The following C1orf141 variants were observed in gnomAD, a reference collection of about 807,000 sequenced individuals.
The protein encoded by C1orf141 is uncharacterized protein C1orf141.
In C1orf141, 19 loss-of-function variants were observed where a neutral mutation model predicts 23.2. The observed-to-expected ratio is 0.82, with a 90% confidence interval of 0.57 to 1.20. The LOEUF is 1.20. Ranked by LOEUF, C1orf141 falls within the 50% of genes most tolerant of loss-of-function variation. The pLI is 0.00. For missense variants in C1orf141, 469 were observed against 455.1 expected (o/e 1.03, Z -0.28); for synonymous variants, 153 against 154.6 (o/e 0.99, Z 0.08).
chr1:67,126,037 A>G (rs1437331763), intron 3 of C1orf141, 128 bp from the exon 4 acceptor site: 2 of 1,048,134 alleles, frequency 1.9e-6, no homozygotes, highest in Non-Finnish European at 2.7e-6. Flanking sequence ...GTGGCAGGCA[A>G]TAATGGAAAA....
Position 67,129,496 on chromosome 1 carries a change from G to A in C1orf141, c.-18+1646C>T, listed in dbSNP as rs111685248. On this transcript the variant is annotated intron_variant, in intron 2 of 7. Transcript: ENST00000684719. Reference sequence around the variant, plus strand: ...AAAAATTACACAGAGGAAATTCTGGGCCATGGGGGTGCAAGCAGATAGCCT... The same window carrying A: ...AAAAATTACACAGAGGAAATTCTGGACCATGGGGGTGCAAGCAGATAGCCT... 6.9e-4 allele frequency among the ~76,000 whole-genome samples: 105 copies of A among 152,152 alleles called. 1 individual carries two copies. Among genetic ancestry groups the A allele is most frequent in the African/African-American group, 2.5e-3 (104 of 41,484 alleles).
Position 67,092,956 on chromosome 1 carries a change from C to G in C1orf141, c.*49G>C. 1 of 1,435,292 alleles carries G rather than the reference C, an allele frequency of 7.0e-7. No individual in the cohort carries two copies. The highest frequency in any genetic ancestry group is 1.4e-5 in the South Asian group (1 of 73,940). 88.9% of individuals were successfully genotyped at this position (1,435,292 alleles called of 1,614,324 possible). A position where few individuals can be genotyped will look rare whatever the true frequency, so the allele number is the denominator to read the frequency against. On this transcript the variant is annotated 3_prime_UTR_variant, in exon 8 of 8. Transcript: ENST00000684719. The stretch of plus-strand genomic sequence containing the variant: ...AAGAATTTCTTTTATAATTTTGGAA[C>G]TTGGATATTTGCTTCTTGTTACTCA...
chr1:67,111,681 GT>G, intron 5 of C1orf141: 1 of 997,810 alleles, frequency 1.0e-6, no homozygotes, highest in Non-Finnish European at 1.4e-6. Flanking sequence ...ATGCTATTAA[GT>G]TACTTCTAAT....
intron 5 of C1orf141, chr1:67,103,498 G>T: frequency 1.9e-6 from 1 of 532,196 alleles, no homozygotes; most frequent in Non-Finnish European, 2.9e-6. Flanking sequence ...ATAACTAACA[G>T]CTGTCTGGTT....
intron 5 of C1orf141, among the ~76,000 whole-genome samples, chr1:67,104,347 G>A (rs1258432711): frequency 1.3e-5 from 2 of 152,094 alleles, no homozygotes; most frequent in Non-Finnish European, 2.9e-5. Flanking sequence ...CAGAAAAATA[G>A]CATATTTATA....
chr1:67,094,896 A>T (rs1446176197), intron 7 of C1orf141: 1 of 176,206 alleles, frequency 5.7e-6, no homozygotes, highest in African/African-American at 2.4e-5. Flanking sequence ...CAGACTCCAG[A>T]GTAGCGGGGA....
At chr1:67,113,922 G>T (rs925002719) in intron 5 of C1orf141, among the ~76,000 whole-genome samples, 6 of 152,090 alleles carry the variant, frequency 3.9e-5, no homozygotes, top group Admixed American at 3.3e-4. Flanking sequence ...AGGGATCCCT[G>T]GTCTTAAATC....
chr1:67,120,174 T>C (rs1417789547), intron 4 of C1orf141, among the ~76,000 whole-genome samples: 1 of 152,224 alleles, frequency 6.6e-6, no homozygotes, highest in Non-Finnish European at 1.5e-5. Context: ...TTCTCCCTTC[T>C]TTTTTATCTC....
intron 5 of C1orf141, among the ~76,000 whole-genome samples, chr1:67,105,093 G>A (rs374115709): frequency 1.1e-3 from 171 of 152,142 alleles, no homozygotes; most frequent in South Asian, 4.8e-3. Flanking sequence ...TTGGGAGGCC[G>A]AGGCGGGTGG....
upstream of C1orf141, among the ~76,000 whole-genome samples, chr1:67,137,318 A>T (rs917302723): frequency 6.6e-6 from 1 of 152,226 alleles, no homozygotes; most frequent in Non-Finnish European, 1.5e-5. Flanking sequence ...GGGCAGAGTC[A>T]GTCCCGAAAT....
upstream of C1orf141, among the ~76,000 whole-genome samples, chr1:67,139,549 A>G (rs1371725465): frequency 2.6e-5 from 4 of 152,176 alleles, no homozygotes; most frequent in South Asian, 4.1e-4. Context: ...TTTTTCTTCT[A>G]TTAAAGACCA....
intron 1 of C1orf141, among the ~76,000 whole-genome samples, chr1:67,131,860 C>G (rs1646521988): frequency 1.4e-5 from 2 of 147,672 alleles, no homozygotes; most frequent in South Asian, 4.3e-4. Flanking sequence ...TCTTGGCTCA[C>G]TGCAACTTCC....
At chr1:67,113,308 A>T (rs1646118663) in intron 5 of C1orf141, among the ~76,000 whole-genome samples, 1 of 151,982 alleles carries the variant, frequency 6.6e-6, no homozygotes, top group African/African-American at 2.4e-5. Flanking sequence ...AAGGCCAGGG[A>T]GGTAGGGAAT....
At chr1:67,108,537 G>T (rs1441450061) in intron 5 of C1orf141, among the ~76,000 whole-genome samples, 1 of 152,150 alleles carries the variant, frequency 6.6e-6, no homozygotes, top group African/African-American at 2.4e-5. Context: ...TTCAAGACCA[G>T]CCTGGCCAAC....
chr1:67,104,623 G>A (rs2102437245), intron 5 of C1orf141, among the ~76,000 whole-genome samples: 1 of 152,170 alleles, frequency 6.6e-6, no homozygotes, highest in African/African-American at 2.4e-5. Context: ...CAAATAAGTT[G>A]TTTTAAGCTT....
intron 4 of C1orf141, among the ~76,000 whole-genome samples, chr1:67,116,474 A>T (rs1646195589): frequency 1.3e-5 from 2 of 151,626 alleles, no homozygotes; most frequent in South Asian, 4.2e-4. Flanking sequence ...CCCTGCTATT[A>T]CACTTGTCCT....
chr1:67,133,342 A>G (rs931406940), intron 1 of C1orf141, among the ~76,000 whole-genome samples: 7 of 152,234 alleles, frequency 4.6e-5, no homozygotes, highest in Non-Finnish European at 1.0e-4. Context: ...TTACTCCTTG[A>G]GGACGAGGCC....
At chr1:67,139,505 ACTT>A (rs1252912697), upstream of C1orf141, among the ~76,000 whole-genome samples, 14 of 152,102 alleles carry the variant, frequency 9.2e-5, no homozygotes, top group Admixed American at 9.2e-4. Context: ...CAAAAATTTG[ACTT>A]CTTCAGTCCT....
rs760865676 is a variant in C1orf141, at chr1:67,101,487, T to TGTGA, written c.347-5167_347-5166insTCAC. On this transcript the variant is annotated intron_variant, in intron 5 of 7. Transcript: ENST00000684719. ...GTGTGTGTGTGTGTGTGTGTGTGTG[T>TGTGA]GATGGAGTAGGTGGTTATAACAGGG... is the stretch of plus-strand genomic sequence containing the variant. Among the ~76,000 whole-genome samples, 494 of 150,550 alleles carry TGTGA rather than the reference T, an allele frequency of 3.3e-3. 1 individual carries two copies. The highest frequency in any genetic ancestry group is 3.9e-3 in the Non-Finnish European group (266 of 67,552).
Sources: allele counts gnomAD v4.1 joint callset (sites outside exome capture counted in the v4.1 genomes callset), GRCh38; gene constraint gnomAD v4.1.1; transcripts MANE v1.5; gene names NCBI Gene and HGNC (gene_info 2026-07-23, HGNC 2026-07-21).